ARGLU1: variants seen among roughly 807,000 people sequenced by gnomAD.
ARGLU1 encodes the protein arginine and glutamate rich 1, also known as arginine and glutamate-rich protein 1.
A neutral mutation model predicts 37.6 loss-of-function variants in ARGLU1; 9 were observed. The ratio of observed to expected loss-of-function variants is 0.24; its 90% CI spans 0.14 to 0.42. ARGLU1 has a LOEUF of 0.42. Ranked by LOEUF, ARGLU1 falls within the 10% of genes least tolerant of loss-of-function variation. The probability of loss-of-function intolerance (pLI) is 1.00; values close to 1 mark genes in which losing one functional copy is unlikely to be tolerated. For missense variants in ARGLU1, 211 were observed against 359.2 expected (o/e 0.59, Z 3.34); for synonymous variants, 166 against 138.5 (o/e 1.20, Z -1.39).
At chr13:106,546,171 T>A (rs963661108) in intron 3 of ARGLU1, among the ~76,000 whole-genome samples, 1 of 152,232 alleles carries the variant, frequency 6.6e-6, no homozygotes, top group African/African-American at 2.4e-5. Flanking sequence ...ATATCTTTTG[T>A]ACATCTAAAA....
At chr13:106,559,145 G>A (rs1566474271) in intron 2 of ARGLU1, 23 of 1,346,754 alleles carry the variant, frequency 1.7e-5, no homozygotes, top group Middle Eastern at 2.8e-4. Flanking sequence ...AAAAAAGAAT[G>A]TAAGTCCTGC....
intron 3 of ARGLU1, among the ~76,000 whole-genome samples, chr13:106,553,154 T>A (rs1880575997): frequency 6.6e-6 from 1 of 152,328 alleles, no homozygotes; most frequent in East Asian, 1.9e-4. Context: ...TGAAGAAAAG[T>A]ATAAAGTTAC....
Position 106,568,118 on chromosome 13 carries a change from G to T in ARGLU1, c.-199C>A. Reference sequence around the variant, plus strand: ...CAACGAGAAACCCGTAGCGCCAGGCGCCCCTAAGATGGCAGCTGCGGCTGC... The same window carrying T: ...CAACGAGAAACCCGTAGCGCCAGGCTCCCCTAAGATGGCAGCTGCGGCTGC... On this transcript the variant is annotated 5_prime_UTR_variant, in exon 1 of 4. Coordinates refer to ENST00000400198, the MANE Select transcript of ARGLU1 (RefSeq NM_018011.4). 2.5e-6 allele frequency: 2 copies of T among 809,344 alleles called. No individual in the cohort carries two copies. The highest frequency in any genetic ancestry group is 1.8e-6 in the Non-Finnish European group (1 of 555,450). 50.1% of individuals were successfully genotyped at this position (809,344 alleles called of 1,614,324 possible).
chr13:106,567,932 C>T lies in ARGLU1; in HGVS notation c.-13G>A. 1.3e-6 allele frequency: 2 copies of T among 1,598,206 alleles called. No homozygotes were observed. The highest frequency in any genetic ancestry group is 1.7e-6 in the Non-Finnish European group (2 of 1,177,426). Reference sequence around the variant, plus strand: ...GAGACCGGCCCATCCTTCCGGGAGACGCTCTAACCGCTCGCCTCAGGCCCC... The same window carrying T: ...GAGACCGGCCCATCCTTCCGGGAGATGCTCTAACCGCTCGCCTCAGGCCCC... On this transcript the variant is annotated 5_prime_UTR_variant, in exon 1 of 4. Coordinates refer to ENST00000400198, the MANE Select transcript of ARGLU1 (RefSeq NM_018011.4). This position sits in a 1 kb window ranked among gnomAD's most constrained non-coding sequence, Gnocchi z 4.3.
intron 3 of ARGLU1, among the ~76,000 whole-genome samples, chr13:106,551,986 T>C (rs1880543102): frequency 6.6e-6 from 1 of 152,244 alleles, no homozygotes; most frequent in Non-Finnish European, 1.5e-5. Context: ...CCTTGTCATA[T>C]ATGGGCACAT....
chr13:106,561,892 A>C (rs1880811475), intron 1 of ARGLU1: 2 of 152,224 alleles, frequency 1.3e-5, no homozygotes, highest in Non-Finnish European at 2.9e-5. Flanking sequence ...ACATCAAACC[A>C]GAGGGCCCAT....
In ARGLU1 at chr13:106,567,524, C is replaced by G. The variant is rs1438995585; in HGVS notation, c.347+49G>C. 1.5e-6 allele frequency: 2 copies of G among 1,363,822 alleles called. No homozygotes were observed. The highest frequency in any genetic ancestry group is 2.9e-5 in the African/African-American group (2 of 68,912). The allele number at this position is 1,363,822 out of a possible 1,614,324, so 84.5% of individuals were successfully genotyped here. ...CCGCCCCGGCCCCACGCCCTCGCCC[C>G]GCGCCCTGCTCTCCGCACGCCCCGG... On this transcript the variant is annotated intron_variant, in intron 1 of 3. Coordinates refer to ENST00000400198, the MANE Select transcript of ARGLU1 (RefSeq NM_018011.4). The surrounding 1 kb of genome is among the most constrained non-coding windows in gnomAD (Gnocchi z 4.3).
chr13:106,563,692 T>C (rs1880879637), intron 1 of ARGLU1, among the ~76,000 whole-genome samples: 1 of 152,212 alleles, frequency 6.6e-6, no homozygotes. Context: ...CTAGGTCTTA[T>C]GCCTTAATGT....
chr13:106,545,108 G>C (rs955048727), intron 3 of ARGLU1, among the ~76,000 whole-genome samples: 1 of 152,134 alleles, frequency 6.6e-6, no homozygotes, highest in Non-Finnish European at 1.5e-5. Flanking sequence ...GCAATGCATG[G>C]AGATGATTCT....
At chr13:106,554,811 G>C (rs1880621386) in intron 3 of ARGLU1, among the ~76,000 whole-genome samples, 1 of 151,312 alleles carries the variant, frequency 6.6e-6, no homozygotes. Flanking sequence ...CTTGAATCTG[G>C]AAGGCGGAAG....
At chr13:106,548,710 A>T (rs1776623552) in intron 3 of ARGLU1, among the ~76,000 whole-genome samples, 1 of 152,080 alleles carries the variant, frequency 6.6e-6, no homozygotes, top group Non-Finnish European at 1.5e-5. Context: ...TATAGTTAAA[A>T]GGCCTACTTA....
chr13:106,567,249 C>T lies in ARGLU1; in HGVS notation c.347+324G>A, dbSNP rs1222347845. Among the ~76,000 whole-genome samples, 2 of 152,098 alleles carry T rather than the reference C, an allele frequency of 1.3e-5. No individual in the cohort carries two copies. The highest frequency in any genetic ancestry group is 2.9e-5 in the Non-Finnish European group (2 of 68,010). ...CTCCCGGCCTCACAAGCCAACGCAG[C>T]TCTCCGACCTCACTCCGAACTCCAC... On this transcript the variant is annotated intron_variant, in intron 1 of 3. Coordinates refer to ENST00000400198, the MANE Select transcript of ARGLU1 (RefSeq NM_018011.4). The surrounding 1 kb of genome is among the most constrained non-coding windows in gnomAD (Gnocchi z 4.3).
rs911009454 is a variant in ARGLU1 at position 106,545,111 on chromosome 13, A to G, written c.658-951T>C. The stretch of plus-strand genomic sequence containing the variant: ...AGGGGACATTAGGCAATGCATGGAG[A>G]TGATTCTGGCTGCCACAACTGGGAA... On this transcript the variant is annotated intron_variant, in intron 3 of 3. Transcript: ENST00000400198. Among the ~76,000 whole-genome samples, 7 of 152,166 alleles carry G rather than the reference A, an allele frequency of 4.6e-5. No individual in the cohort carries two copies. In the East Asian group the frequency reaches 1.3e-3, roughly 29 times the overall value.
intron 1 of ARGLU1, among the ~76,000 whole-genome samples, chr13:106,564,200 G>A (rs529108642): frequency 4.8e-4 from 73 of 152,280 alleles, no homozygotes; most frequent in African/African-American, 1.8e-3. Flanking sequence ...GCATTAAGAT[G>A]ACAACTCATA....
intron 1 of ARGLU1, among the ~76,000 whole-genome samples, chr13:106,559,900 A>C (rs915187801): frequency 1.3e-5 from 2 of 152,206 alleles, no homozygotes; most frequent in East Asian, 3.9e-4. Flanking sequence ...GAACAGGTAT[A>C]TACAAAGAGC....
At chr13:106,548,468 T>C (rs530411616) in intron 3 of ARGLU1, among the ~76,000 whole-genome samples, 89 of 152,218 alleles carry the variant, frequency 5.8e-4, no homozygotes, top group Non-Finnish European at 1.0e-3. Context: ...ATATATGTAT[T>C]TATACAGATG....
At position 106,557,278 on chromosome 13, in the gene ARGLU1, C is replaced by T; in HGVS notation, c.574-147G>A. 1.3e-6 allele frequency: 1 copy of T among 754,756 alleles called. No individual in the cohort carries two copies. The highest frequency in any genetic ancestry group is 1.8e-5 in the African/African-American group (1 of 56,436). The allele number at this position is 754,756 out of a possible 1,614,324, so 46.8% of individuals were successfully genotyped here. On this transcript the variant is annotated intron_variant, in intron 2 of 3. Transcript: ENST00000400198. This position sits in a 1 kb window ranked among gnomAD's most constrained non-coding sequence, Gnocchi z 5.0. ...TCTGTCTGACAAATGATAAACTGTG[C>T]AGTCACTAAAATTGGTTTCTAGCAC...
At position 106,543,805 on chromosome 13, in the gene ARGLU1, A is replaced by G; in HGVS notation, c.*191T>C. 1.9e-6 allele frequency: 1 copy of G among 514,076 alleles called. No individual in the cohort carries two copies. Among genetic ancestry groups the G allele is most frequent in the South Asian group, 2.6e-5 (1 of 37,850 alleles). 31.8% of individuals were successfully genotyped at this position (514,076 alleles called of 1,614,324 possible). A position where few individuals can be genotyped will look rare whatever the true frequency, so the allele number is the denominator to read the frequency against. On this transcript the variant is annotated 3_prime_UTR_variant, in exon 4 of 4. Transcript: ENST00000400198. ...CTTAGAATACAACAATGATCTGATA[A>G]GGATTTGACTTAGTGGAAGGAAAAA...
rs536089543 is a variant in ARGLU1, at chr13:106,545,444, G to T, written c.658-1284C>A. On this transcript the variant is annotated intron_variant, in intron 3 of 3. Transcript: ENST00000400198. ...GTATGGTCAAAATCTATCAAATTCA[G>T]TGATTTTTCTCTTTATTCAAATAAA... Among the ~76,000 whole-genome samples the T allele has an allele frequency of 2.1e-3, 327 of 152,164 alleles. 1 individual carries two copies. The highest frequency in any genetic ancestry group is 7.5e-3 in the African/African-American group (313 of 41,504).
Sources: gnomAD v4.1 joint callset for allele counts (sites outside exome capture counted in the v4.1 genomes callset) on GRCh38, gnomAD v4.1.1 for gene constraint, Gnocchi (gnomAD v3.1) non-coding constraint, MANE v1.5 for transcripts, NCBI Gene and HGNC (gene_info 2026-07-23, HGNC 2026-07-21) for gene names.